The following HSDL2 variants were observed in gnomAD, a reference collection of about 807,000 sequenced individuals.
HSDL2 encodes the protein hydroxysteroid dehydrogenase-like protein 2.
Under a neutral mutation model 46.3 loss-of-function variants are expected in HSDL2, and 27 were observed. The ratio of observed to expected loss-of-function variants is 0.58; its 90% confidence interval spans 0.43 to 0.80. HSDL2 has a LOEUF of 0.80. HSDL2 is among the 30% of genes least tolerant of loss of function. The probability of loss-of-function intolerance (pLI) is 0.00; values close to 1 mark genes in which losing one functional copy is unlikely to be tolerated. For synonymous variants in HSDL2, 153 were observed against 163.6 expected, an observed-to-expected ratio of 0.94 and a Z score of 0.50; for missense variants, 451 against 502.7, an observed-to-expected ratio of 0.90 and a Z score of 0.98.
chr9:112,409,016 C>T lies in HSDL2; in HGVS notation c.390C>T (p.Tyr130=). 6.3e-7 allele frequency: 1 copy of T among 1,583,692 alleles called. No homozygotes were observed. The highest frequency in any genetic ancestry group is 1.1e-5 in the South Asian group (1 of 89,218). Residue 130 remains tyrosine, a synonymous_variant, in exon 4 of 11, where the codon TAC becomes TAT. Transcript: ENST00000398805. ...LMMNVNTRGT[Y]LASKACIPYL... ...TGAACGTGAACACCAGAGGCACCTACCTTGCGTAAGTTTGCAAGAAGAGTT... is the reference window on the plus strand; with the variant it reads ...TGAACGTGAACACCAGAGGCACCTATCTTGCGTAAGTTTGCAAGAAGAGTT...
chr9:112,406,366 T>G (rs1019308482), intron 3 of HSDL2, among the ~76,000 whole-genome samples: 2 of 152,150 alleles, frequency 1.3e-5, no homozygotes, highest in African/African-American at 4.8e-5. Context: ...ATATATTTGT[T>G]TTTGAAAAAA....
intron 9 of HSDL2, among the ~76,000 whole-genome samples, chr9:112,458,994 AG>A: frequency 3.3e-5 from 1 of 29,892 alleles, no homozygotes; most frequent in Non-Finnish European, 5.8e-5. Flanking sequence ...AAAAAAGAAA[AG>A]AAAAAGAAAA....
intron 10 of HSDL2, among the ~76,000 whole-genome samples, chr9:112,460,738 C>CTT (rs58832923): frequency 6.6e-6 from 1 of 152,054 alleles, no homozygotes; most frequent in African/African-American, 2.4e-5. Flanking sequence ...AGAATGAAAC[C>CTT]GTCTCAAAAA....
At chr9:112,418,530 T>A in intron 5 of HSDL2, among the ~76,000 whole-genome samples, 1 of 146,912 alleles carries the variant, frequency 6.8e-6, no homozygotes, top group South Asian at 2.1e-4. Context: ...CTGCAGTGAA[T>A]CGTAATCACA....
intron 1 of HSDL2, among the ~76,000 whole-genome samples, chr9:112,389,791 G>A (rs148606989): frequency 0.014 from 2,099 of 152,290 alleles, 23 homozygotes; most frequent in Non-Finnish European, 0.022. Context: ...TGGGCCGGGC[G>A]TGGTGGCTTA....
intron 1 of HSDL2, among the ~76,000 whole-genome samples, chr9:112,395,985 C>T (rs1373417965): frequency 6.6e-6 from 1 of 152,202 alleles, no homozygotes; most frequent in Non-Finnish European, 1.5e-5. Context: ...AAAAGGATAA[C>T]CTAAACCAGC....
intron 6 of HSDL2, among the ~76,000 whole-genome samples, chr9:112,423,342 T>C (rs1832167017): frequency 2.0e-5 from 3 of 152,158 alleles, no homozygotes; most frequent in Admixed American, 2.0e-4. Context: ...ATTGAATTCT[T>C]TTCTTTTCTT....
At chr9:112,388,009 A>G (rs187830807) in intron 1 of HSDL2, among the ~76,000 whole-genome samples, 57 of 152,222 alleles carry the variant, frequency 3.7e-4, no homozygotes, top group Non-Finnish European at 5.4e-4. Flanking sequence ...AAATAAAAAA[A>G]TTAGCTGGGC....
chr9:112,382,247 AGAGT>A (rs918695247), intron 1 of HSDL2, among the ~76,000 whole-genome samples: 2 of 152,212 alleles, frequency 1.3e-5, no homozygotes, highest in African/African-American at 4.8e-5. Context: ...CCTGCGAGAG[AGAGT>A]GAGAGTCTGT....
chr9:112,408,009 G>T (rs1169824522), intron 3 of HSDL2, among the ~76,000 whole-genome samples: 1 of 152,194 alleles, frequency 6.6e-6, no homozygotes, highest in Admixed American at 6.5e-5. Context: ...TGCAGAAATA[G>T]TAGTTACTCT....
intron 5 of HSDL2, among the ~76,000 whole-genome samples, chr9:112,418,123 G>A (rs1013913059): frequency 2.0e-5 from 3 of 151,652 alleles, no homozygotes; most frequent in Non-Finnish European, 2.9e-5. Flanking sequence ...TACCCTCATA[G>A]TATTAAGAAA....
Position 112,404,066 on chromosome 9 carries a change from CA to C in HSDL2, c.90del (p.Ala31GlnfsTer21). ...RGIGKAIALK[A>X]AKDGANIVIA... ...ATTGGCAAAGCTATTGCATTGAAAG[CA>C]GCAAAGGATGGAGCAAATATTGTTA... On this transcript the variant is annotated frameshift_variant, in exon 2 of 11. Transcript: ENST00000398805. LOFTEE classifies it high-confidence loss of function. 6.2e-7 allele frequency: 1 copy of C among 1,614,148 alleles called. No individual in the cohort carries two copies. The highest frequency in any genetic ancestry group is 8.5e-7 in the Non-Finnish European group (1 of 1,180,000).
In HSDL2 at chr9:112,465,485, G is replaced by A. The variant is rs1027080686; in HGVS notation, c.1145-4947G>A. Among the ~76,000 whole-genome samples the A allele has an allele frequency of 2.6e-5, 4 of 152,166 alleles. No homozygotes were observed. In the South Asian group the frequency reaches 8.3e-4, roughly 31 times the overall value. On this transcript the variant is annotated intron_variant, in intron 10 of 10. Transcript: ENST00000398805. ...TGACATTTAATATATTCACAGTGCT[G>A]TGCAACCACCCCTCCCTGGTTTCAA...
chr9:112,435,946 A>G (rs1334061094), intron 6 of HSDL2, among the ~76,000 whole-genome samples: 2 of 151,934 alleles, frequency 1.3e-5, no homozygotes, highest in East Asian at 1.9e-4. Flanking sequence ...GAGTGAGACC[A>G]GAGCTCTTGC....
At chr9:112,415,176 G>GT (rs1333857119) in intron 4 of HSDL2, among the ~76,000 whole-genome samples, 1 of 152,050 alleles carries the variant, frequency 6.6e-6, no homozygotes, top group African/African-American at 2.4e-5. Flanking sequence ...ATAAAGCTAT[G>GT]TATTGCACCC....
chr9:112,415,623 G>A (rs760151414), intron 4 of HSDL2, among the ~76,000 whole-genome samples: 1 of 152,170 alleles, frequency 6.6e-6, no homozygotes, highest in Non-Finnish European at 1.5e-5. Context: ...CAGAATTTGG[G>A]ATGGTTGTGG....
intron 8 of HSDL2, among the ~76,000 whole-genome samples, chr9:112,453,696 G>A (rs565225441): frequency 6.6e-6 from 1 of 152,028 alleles, no homozygotes; most frequent in South Asian, 2.1e-4. Flanking sequence ...CCCAGCCTTG[G>A]CCTCACAAAG....
At chr9:112,438,262 A>G (rs569285949) in intron 6 of HSDL2, among the ~76,000 whole-genome samples, 169 bp from the exon 7 acceptor site, 1 of 152,224 alleles carries the variant, frequency 6.6e-6, no homozygotes, top group Admixed American at 6.5e-5. Flanking sequence ...ACAAAAAAAC[A>G]AAAAAAATTT....
At chr9:112,395,714 C>T (rs1831439813) in intron 1 of HSDL2, among the ~76,000 whole-genome samples, 1 of 152,220 alleles carries the variant, frequency 6.6e-6, no homozygotes, top group Non-Finnish European at 1.5e-5. Flanking sequence ...TGGACGGCTC[C>T]CATAGGTTTA....
Sources: allele counts gnomAD v4.1 joint callset (sites outside exome capture counted in the v4.1 genomes callset), GRCh38; gene constraint gnomAD v4.1.1; transcripts MANE v1.5; gene names NCBI Gene and HGNC (gene_info 2026-07-23, HGNC 2026-07-21).